DOK6: variants seen among roughly 807,000 people sequenced by gnomAD.
The protein encoded by DOK6 is docking protein 6.
A neutral mutation model predicts 44.0 loss-of-function variants in DOK6; 22 were observed. The observed-to-expected ratio is 0.50, with a 90% CI of 0.36 to 0.71. The LOEUF (loss-of-function observed/expected upper bound fraction) is 0.71, where lower values mean the gene tolerates loss of function less well. Ranked by LOEUF, DOK6 falls within the 30% of genes least tolerant of loss-of-function variation. DOK6 has a pLI of 0.00. For synonymous variants in DOK6, 166 were observed against 145.5 expected, an observed-to-expected ratio of 1.14 and a Z score of -1.01; for missense variants, 340 against 416.4, an observed-to-expected ratio of 0.82 and a Z score of 1.60.
intron 3 of DOK6, among the ~76,000 whole-genome samples, chr18:69,665,029 A>C (rs1428379784): frequency 6.6e-6 from 1 of 152,044 alleles, no homozygotes; most frequent in Non-Finnish European, 1.5e-5. Context: ...AATACAAAAA[A>C]AATTAGCCAG....
At chr18:69,838,332 C>T (rs544341484) in intron 7 of DOK6, among the ~76,000 whole-genome samples, 2 of 151,904 alleles carry the variant, frequency 1.3e-5, no homozygotes, top group Non-Finnish European at 2.9e-5. Context: ...GCCAGTATCC[C>T]CAATTACAGA....
At chr18:69,749,610 A>G (rs1222737134) in intron 6 of DOK6, among the ~76,000 whole-genome samples, 1 of 152,184 alleles carries the variant, frequency 6.6e-6, no homozygotes, top group Admixed American at 6.5e-5. Context: ...TCCCTTTCCT[A>G]TCTTACAGGA....
At chr18:69,495,111 C>T (rs1980845225) in intron 1 of DOK6, among the ~76,000 whole-genome samples, 1 of 152,244 alleles carries the variant, frequency 6.6e-6, no homozygotes, top group Non-Finnish European at 1.5e-5. Flanking sequence ...CTCTGCAAGG[C>T]TGTGGCTGGA....
intron 3 of DOK6, among the ~76,000 whole-genome samples, chr18:69,645,770 A>G (rs1985056725): frequency 6.6e-6 from 1 of 152,210 alleles, no homozygotes; most frequent in Admixed American, 6.5e-5. Context: ...CTAAAACTGA[A>G]ACAATCAAGT....
intron 7 of DOK6, among the ~76,000 whole-genome samples, chr18:69,823,976 G>A (rs1297489608): frequency 6.6e-6 from 1 of 152,114 alleles, no homozygotes; most frequent in African/African-American, 2.4e-5. Flanking sequence ...TGACCTGTGT[G>A]TGGTATGTGT....
intron 2 of DOK6, among the ~76,000 whole-genome samples, chr18:69,567,874 C>T (rs1983022767): frequency 6.6e-6 from 1 of 152,210 alleles, no homozygotes; most frequent in South Asian, 2.1e-4. Flanking sequence ...AGCTTACTTA[C>T]ATTGTCCACC....
At chr18:69,549,736 T>C (rs901918938) in intron 1 of DOK6, among the ~76,000 whole-genome samples, 5 of 151,598 alleles carry the variant, frequency 3.3e-5, no homozygotes, top group South Asian at 2.1e-4. Flanking sequence ...CTATGCAAGA[T>C]AGACACTCAT....
At chr18:69,812,126 A>T (rs1039503665) in intron 7 of DOK6, among the ~76,000 whole-genome samples, 18 of 152,124 alleles carry the variant, frequency 1.2e-4, no homozygotes, top group Admixed American at 9.8e-4. Flanking sequence ...CCATAAAGAC[A>T]AATAAAGCAC....
chr18:69,627,022 A>C (rs2144642525), intron 3 of DOK6, among the ~76,000 whole-genome samples: 1 of 152,270 alleles, frequency 6.6e-6, no homozygotes, highest in African/African-American at 2.4e-5. Flanking sequence ...GCTGAGGGGA[A>C]GTTAAGACTC....
intron 7 of DOK6, among the ~76,000 whole-genome samples, chr18:69,792,542 G>A (rs536054709): frequency 6.6e-6 from 1 of 152,062 alleles, no homozygotes; most frequent in South Asian, 2.1e-4. Context: ...TTTGTATCCT[G>A]CAACTTTATT....
intron 1 of DOK6, among the ~76,000 whole-genome samples, chr18:69,523,658 A>AT (rs35778547): frequency 0.24 from 35,917 of 149,918 alleles, 4,412 homozygotes; most frequent in South Asian, 0.33. Flanking sequence ...CAAAGAAACA[A>AT]TTTTTTTTTT....
At chr18:69,739,541 A>G (rs767808676) in intron 6 of DOK6, among the ~76,000 whole-genome samples, 2 of 152,222 alleles carry the variant, frequency 1.3e-5, no homozygotes, top group African/African-American at 2.4e-5. Flanking sequence ...CTCTTCCTGT[A>G]TGTATAATAA....
chr18:69,559,200 G>T (rs192305409), intron 1 of DOK6, among the ~76,000 whole-genome samples: 128 of 152,020 alleles, frequency 8.4e-4, no homozygotes, highest in Middle Eastern at 3.4e-3. Context: ...ATGCCTTCTG[G>T]CTCATGTTTA....
At chr18:69,532,470 C>T (rs546976951) in intron 1 of DOK6, among the ~76,000 whole-genome samples, 1 of 152,134 alleles carries the variant, frequency 6.6e-6, no homozygotes, top group African/African-American at 2.4e-5. Flanking sequence ...GTGTACTTAC[C>T]CAGTCAAAAA....
chr18:69,575,548 T>C (rs1271101317), intron 2 of DOK6, among the ~76,000 whole-genome samples: 1 of 152,042 alleles, frequency 6.6e-6, no homozygotes, highest in Non-Finnish European at 1.5e-5. Context: ...TCCGAGATTA[T>C]TGAGAGCTAC....
chr18:69,699,858 G>C (rs1031779021), intron 5 of DOK6, among the ~76,000 whole-genome samples: 5 of 152,000 alleles, frequency 3.3e-5, no homozygotes, highest in Admixed American at 3.3e-4. Flanking sequence ...TTCACACGCT[G>C]ATAAAGACAT....
At chr18:69,523,867 G>T (rs1218927070) in intron 1 of DOK6, among the ~76,000 whole-genome samples, 2 of 151,996 alleles carry the variant, frequency 1.3e-5, no homozygotes, top group East Asian at 1.9e-4. Flanking sequence ...GAACGACAGA[G>T]AATGCATGAA....
At chr18:69,494,792 A>G (rs1181795963) in intron 1 of DOK6, among the ~76,000 whole-genome samples, 2 of 152,164 alleles carry the variant, frequency 1.3e-5, no homozygotes, top group African/African-American at 4.8e-5. Context: ...CTATTGATGC[A>G]TTTATTTTTT....
At chr18:69,580,650 A>C (rs1479956658) in intron 2 of DOK6, among the ~76,000 whole-genome samples, 2 of 152,198 alleles carry the variant, frequency 1.3e-5, no homozygotes. Context: ...TCACATATTC[A>C]TCACCTCAAA....
Sources: gnomAD v4.1 joint callset for allele counts (sites outside exome capture counted in the v4.1 genomes callset) on GRCh38, gnomAD v4.1.1 for gene constraint, MANE v1.5 for transcripts, NCBI Gene and HGNC (gene_info 2026-07-23, HGNC 2026-07-21) for gene names.